The following SPAG17 variants were observed in gnomAD, a reference collection of about 807,000 sequenced individuals.
The protein encoded by SPAG17 is sperm associated antigen 17.
SPAG17 carries 169 observed loss-of-function variants against 273.6 expected under a neutral mutation model. The ratio of observed to expected loss-of-function variants is 0.62; its 90% CI spans 0.55 to 0.70. SPAG17 has a LOEUF of 0.70. Ranked by LOEUF, SPAG17 falls within the 30% of genes least tolerant of loss-of-function variation. The probability of loss-of-function intolerance (pLI) is 0.00; values close to 1 mark genes in which losing one functional copy is unlikely to be tolerated. For synonymous variants in SPAG17, 825 were observed against 873.2 expected (o/e 0.94, Z 0.97); for missense variants, 2,557 against 2,627.8 (o/e 0.97, Z 0.59).
chr1:118,024,527 C>T (rs1647503508), intron 27 of SPAG17, among the ~76,000 whole-genome samples: 1 of 151,410 alleles, frequency 6.6e-6, no homozygotes. Context: ...TGCTTTCTTT[C>T]CAAGATTTAT....
chr1:118,098,271 T>C (rs571701995), intron 6 of SPAG17, among the ~76,000 whole-genome samples: 1 of 152,282 alleles, frequency 6.6e-6, no homozygotes, highest in South Asian at 2.1e-4. Flanking sequence ...CCTTCTTATA[T>C]TGCTGAAAAC....
At chr1:117,968,752 A>G (rs1363899388) in intron 46 of SPAG17, among the ~76,000 whole-genome samples, 5 of 152,194 alleles carry the variant, frequency 3.3e-5, no homozygotes, top group African/African-American at 9.6e-5. Context: ...TAAGAGCTTC[A>G]GACTCAGGGA....
At chr1:118,168,454 G>A (rs1182836552) in intron 1 of SPAG17, among the ~76,000 whole-genome samples, 21 of 152,158 alleles carry the variant, frequency 1.4e-4, no homozygotes, top group Admixed American at 1.2e-3. Context: ...TGTGACCAAT[G>A]AGTTGGCTGA....
intron 29 of SPAG17, among the ~76,000 whole-genome samples, chr1:118,015,480 A>G (rs1211879065): frequency 2.0e-5 from 3 of 152,136 alleles, no homozygotes; most frequent in Admixed American, 1.3e-4. Flanking sequence ...TCAATATACC[A>G]TAAGTTTTTC....
chr1:117,959,514 AAG>A, intron 48 of SPAG17: 3 of 1,448,278 alleles, frequency 2.1e-6, no homozygotes, highest in Non-Finnish European at 2.8e-6. Context: ...CTAAGCACAG[AAG>A]AGTTGGCGTC....
At chr1:118,057,281 G>A (rs1651805930) in intron 18 of SPAG17, among the ~76,000 whole-genome samples, 1 of 152,024 alleles carries the variant, frequency 6.6e-6, no homozygotes, top group Admixed American at 6.5e-5. Flanking sequence ...TTATTGGCCT[G>A]GTCTAAGCCA....
intron 45 of SPAG17, among the ~76,000 whole-genome samples, chr1:117,970,823 T>G (rs1654467791): frequency 6.6e-6 from 1 of 152,204 alleles, no homozygotes; most frequent in African/African-American, 2.4e-5. Flanking sequence ...AATTTTATAC[T>G]GGAGCGACAG....
intron 17 of SPAG17, among the ~76,000 whole-genome samples, chr1:118,071,622 G>A (rs572937636): frequency 1.1e-4 from 17 of 152,018 alleles, no homozygotes; most frequent in African/African-American, 3.9e-4. Context: ...TCCAGGCTGG[G>A]CGACACAGCG....
Position 118,054,105 on chromosome 1 carries a change from T to C in SPAG17, c.2723-12A>G, listed in dbSNP as rs769555633. 3 of 1,562,664 alleles carry C rather than the reference T, an allele frequency of 1.9e-6. No homozygotes were observed. The highest frequency in any genetic ancestry group is 1.1e-5 in the South Asian group (1 of 88,264). On this transcript the variant is annotated splice_polypyrimidine_tract_variant and intron_variant, in intron 19 of 48. Coordinates refer to ENST00000336338, the MANE Select transcript of SPAG17 (RefSeq NM_206996.4). The stretch of plus-strand genomic sequence containing the variant: ...GATTCCTTTGTTACCTATAATCAGA[T>C]AAAATTAAACTTCTTAGTAACTCTT...
At chr1:117,972,409 C>G (rs1654662398) in intron 44 of SPAG17, among the ~76,000 whole-genome samples, 1 of 152,220 alleles carries the variant, frequency 6.6e-6, no homozygotes, top group Non-Finnish European at 1.5e-5. Flanking sequence ...ACACAGATTG[C>G]TGACTTTACC....
At chr1:118,063,974 C>A (rs1652654146) in intron 18 of SPAG17, among the ~76,000 whole-genome samples, 1 of 152,136 alleles carries the variant, frequency 6.6e-6, no homozygotes, top group African/African-American at 2.4e-5. Context: ...AGCCAAAAAA[C>A]ACATGAAAAA....
At chr1:118,052,032 A>G (rs1028967334) in intron 20 of SPAG17, among the ~76,000 whole-genome samples, 4 of 140,032 alleles carry the variant, frequency 2.9e-5, no homozygotes, top group Non-Finnish European at 4.6e-5. Context: ...ATAGTATTAT[A>G]TAATAGTATA....
chr1:117,958,425 G>A (rs1049630939), intron 48 of SPAG17, among the ~76,000 whole-genome samples: 3 of 152,162 alleles, frequency 2.0e-5, no homozygotes, highest in East Asian at 1.9e-4. Context: ...TACTTATAGC[G>A]TATCAGAGGC....
At chr1:118,101,601 C>G (rs1656066276) in intron 5 of SPAG17, 139 bp downstream of exon 5, 2 of 795,702 alleles carry the variant, frequency 2.5e-6, no homozygotes, top group East Asian at 2.5e-5. Context: ...ATTCTAGTGT[C>G]TCTAGGGCAA....
At position 118,184,080 on chromosome 1, in the gene SPAG17, G is replaced by GAA. The variant is rs76095077; in HGVS notation, c.87+989_87+990dup. On this transcript the variant is annotated intron_variant, in intron 1 of 48. Coordinates refer to ENST00000336338, the MANE Select transcript of SPAG17 (RefSeq NM_206996.4). ...TATCAAACAGAATTACTGTTAATAG[G>GAA]AAAAAAAAACAGTTATAGTGGAAAA... is the stretch of plus-strand genomic sequence containing the variant. Among the ~76,000 whole-genome samples, 7 of 147,706 alleles carry GAA rather than the reference G, an allele frequency of 4.7e-5. No homozygotes were observed. The East Asian group carries it at 5.9e-4, about 12-fold the overall frequency.
chr1:118,030,615 C>G (rs1478748926), intron 25 of SPAG17, among the ~76,000 whole-genome samples: 1 of 152,052 alleles, frequency 6.6e-6, no homozygotes, highest in Non-Finnish European at 1.5e-5. Flanking sequence ...TGACAGGCCC[C>G]AGTGTGTGAT....
chr1:118,059,306 C>G (rs1652024790), intron 18 of SPAG17, among the ~76,000 whole-genome samples: 1 of 152,030 alleles, frequency 6.6e-6, no homozygotes, highest in Non-Finnish European at 1.5e-5. Context: ...AAATCTCTAA[C>G]CAATTTTGAG....
chr1:118,172,681 T>C (rs992690681), intron 1 of SPAG17, among the ~76,000 whole-genome samples: 7 of 152,304 alleles, frequency 4.6e-5, no homozygotes, highest in Non-Finnish European at 8.8e-5. Context: ...AGAACACATA[T>C]GGGAACAAAA....
chr1:118,043,861 G>A (rs901793940), intron 20 of SPAG17, among the ~76,000 whole-genome samples: 2 of 152,186 alleles, frequency 1.3e-5, no homozygotes, highest in Non-Finnish European at 2.9e-5. Flanking sequence ...ACAAATGAGT[G>A]AGACATATCC....
Sources: gnomAD v4.1 joint callset for allele counts (sites outside exome capture counted in the v4.1 genomes callset) on GRCh38, gnomAD v4.1.1 for gene constraint, MANE v1.5 for transcripts, NCBI Gene and HGNC (gene_info 2026-07-23, HGNC 2026-07-21) for gene names.